The following MCPH1 variants were observed in gnomAD, a reference collection of about 807,000 sequenced individuals.
The protein encoded by MCPH1 is microcephalin 1, also known as microcephalin.
MCPH1 carries 104 observed loss-of-function variants against 84.5 expected under a neutral mutation model. The observed-to-expected ratio is 1.23, with a 90% CI of 1.05 to 1.45. The LOEUF is 1.45. Ranked by LOEUF, MCPH1 falls within the 40% of genes most tolerant of loss-of-function variation. MCPH1 has a pLI of 0.00. For synonymous variants in MCPH1, 514 were observed against 366.8 expected, an observed-to-expected ratio of 1.40 and a Z score of -4.58; for missense variants, 1,498 against 1,005.7, an observed-to-expected ratio of 1.49 and a Z score of -6.62.
intron 11 of MCPH1, among the ~76,000 whole-genome samples, chr8:6,487,853 C>T (rs1810119134): frequency 1.3e-5 from 2 of 152,206 alleles, no homozygotes; most frequent in Non-Finnish European, 2.9e-5. Context: ...AACATTTTTG[C>T]AGCCGAGAAG....
chr8:6,548,145 G>A (rs576684963), intron 12 of MCPH1, among the ~76,000 whole-genome samples: 98 of 152,236 alleles, frequency 6.4e-4, no homozygotes, highest in African/African-American at 2.1e-3. Context: ...TGAGTAGTTG[G>A]TTCCACTGGA....
chr8:6,583,608 C>T (rs1827737062), intron 12 of MCPH1, among the ~76,000 whole-genome samples: 1 of 152,150 alleles, frequency 6.6e-6, no homozygotes, highest in Admixed American at 6.5e-5. Context: ...TGGAAAAGGA[C>T]CCCTGAGTGC....
intron 10 of MCPH1, 101 bp downstream of exon 10, chr8:6,477,732 T>C: frequency 1.1e-6 from 1 of 881,124 alleles, no homozygotes; most frequent in Non-Finnish European, 1.9e-6. Flanking sequence ...ATCTGTCCTG[T>C]ATCACTTTTA....
chr8:6,450,967 C>G (rs1255482890), intron 8 of MCPH1, among the ~76,000 whole-genome samples: 3 of 152,154 alleles, frequency 2.0e-5, no homozygotes, highest in South Asian at 2.1e-4. Flanking sequence ...CTCTGCCTCC[C>G]AAAGTGCTGG....
chr8:6,446,563 CTG>C (rs1337551565), intron 8 of MCPH1: 3 of 982,512 alleles, frequency 3.1e-6, no homozygotes, highest in Non-Finnish European at 3.6e-6. Context: ...TGACAAGAAA[CTG>C]TATTTTATGT....
chr8:6,543,562 C>T (rs748329618), intron 12 of MCPH1, among the ~76,000 whole-genome samples: 9 of 152,136 alleles, frequency 5.9e-5, no homozygotes, highest in Admixed American at 1.3e-4. Context: ...AAAGCGCTGT[C>T]GTATAAGGCC....
intron 1 of MCPH1, among the ~76,000 whole-genome samples, chr8:6,408,062 A>G (rs1184120660): frequency 6.6e-6 from 1 of 152,240 alleles, no homozygotes; most frequent in African/African-American, 2.4e-5. Context: ...AATATTTACC[A>G]TCTGTCTCTT....
chr8:6,592,623 G>GTTTTTTTTTTTTTTTTTTTTTTTTTTTTT (rs573651366), intron 12 of MCPH1, among the ~76,000 whole-genome samples: 3 of 77,556 alleles, frequency 3.9e-5, no homozygotes, highest in African/African-American at 5.4e-5. Flanking sequence ...TCTTTTTTTT[G>GTTTTTTTTTTTTTTTTTTTTTTTTTTTTT]TTTTTTTTTT....
chr8:6,419,920 A>T (rs959556538), intron 3 of MCPH1, among the ~76,000 whole-genome samples: 1 of 151,950 alleles, frequency 6.6e-6, no homozygotes, highest in Admixed American at 6.6e-5. Flanking sequence ...TTGTTTTTTT[A>T]AAATAGATTT....
intron 12 of MCPH1, among the ~76,000 whole-genome samples, chr8:6,575,637 A>G (rs1044595911): frequency 1.3e-5 from 2 of 152,208 alleles, no homozygotes; most frequent in African/African-American, 4.8e-5. Flanking sequence ...TTGAAGTCCT[A>G]AATGCCCTCA....
intron 8 of MCPH1, among the ~76,000 whole-genome samples, chr8:6,450,572 A>G (rs980159354): frequency 4.0e-5 from 6 of 150,878 alleles, no homozygotes; most frequent in African/African-American, 1.5e-4. Context: ...TATTTAAGCC[A>G]ATTCAGTGTT....
chr8:6,645,156 C>T lies in MCPH1; in HGVS notation c.*2107C>T, dbSNP rs1268976549. 6.6e-6 allele frequency: 1 copy of T among 152,442 alleles called. No homozygotes were observed. Among genetic ancestry groups the T allele is most frequent in the Non-Finnish European group, 1.5e-5 (1 of 68,152 alleles). The allele number at this position is 152,442 out of a possible 1,614,324, so 9.4% of individuals were successfully genotyped here. A position where few individuals can be genotyped will look rare whatever the true frequency, so the allele number is the denominator to read the frequency against. Reference sequence around the variant, plus strand: ...CACAGAGAACTTCCATCCCCCACCACATCAGCCACGGAGCCAGCCCAGCCT... The same window carrying T: ...CACAGAGAACTTCCATCCCCCACCATATCAGCCACGGAGCCAGCCCAGCCT... On this transcript the variant is annotated 3_prime_UTR_variant, in exon 14 of 14. Coordinates refer to ENST00000344683, the MANE Select transcript of MCPH1 (RefSeq NM_024596.5).
intron 13 of MCPH1, 150 bp from the exon 14 acceptor site, chr8:6,642,844 G>C (rs568951137): frequency 3.0e-5 from 22 of 722,302 alleles, no homozygotes; most frequent in Admixed American, 6.1e-5. Context: ...AAAAAGGTAT[G>C]TGTGCTCTAT....
chr8:6,469,219 T>A (rs1156867801), intron 9 of MCPH1, among the ~76,000 whole-genome samples: 1 of 152,044 alleles, frequency 6.6e-6, no homozygotes, highest in Non-Finnish European at 1.5e-5. Context: ...TAGTCTCAAT[T>A]TTCTACACTG....
intron 13 of MCPH1, among the ~76,000 whole-genome samples, chr8:6,642,407 T>C (rs1797993603): frequency 6.6e-6 from 1 of 152,196 alleles, no homozygotes; most frequent in African/African-American, 2.4e-5. Context: ...CAGGCGCAAC[T>C]TGTGATTTTC....
intron 12 of MCPH1, among the ~76,000 whole-genome samples, chr8:6,576,436 A>G (rs1456885932): frequency 6.6e-6 from 1 of 152,100 alleles, no homozygotes; most frequent in East Asian, 1.9e-4. Flanking sequence ...TCGTTGAAGT[A>G]TGAGGCCAGG....
At chr8:6,505,739 AT>A (rs1563308254) in intron 12 of MCPH1, among the ~76,000 whole-genome samples, 2 of 134,398 alleles carry the variant, frequency 1.5e-5, no homozygotes, top group African/African-American at 2.7e-5. Context: ...TTCTATATAT[AT>A]TCTTTATATA....
chr8:6,595,193 A>C (rs528091259), intron 12 of MCPH1, among the ~76,000 whole-genome samples: 1 of 152,324 alleles, frequency 6.6e-6, no homozygotes. Flanking sequence ...CACTGCCTGC[A>C]TACTTGGGAT....
chr8:6,499,750 C>T lies in MCPH1; in HGVS notation c.2137-102C>T, dbSNP rs115520116. On this transcript the variant is annotated intron_variant, in intron 11 of 13. Coordinates refer to ENST00000344683, the MANE Select transcript of MCPH1 (RefSeq NM_024596.5). ...TGAGAACACATCTATTTCAGATCTG[C>T]GGAGTGTATCACTTTTTGCTGTGTC... 2.5e-3 allele frequency: 2,294 copies of T among 926,856 alleles called. 29 individuals carry two copies. The African/African-American group carries it at 0.032, about 13-fold the overall frequency. 57.4% of individuals were successfully genotyped at this position (926,856 alleles called of 1,614,324 possible). A position where few individuals can be genotyped will look rare whatever the true frequency, so the allele number is the denominator to read the frequency against.
Sources: allele counts gnomAD v4.1 joint callset (sites outside exome capture counted in the v4.1 genomes callset), GRCh38; gene constraint gnomAD v4.1.1; transcripts MANE v1.5; gene names NCBI Gene and HGNC (gene_info 2026-07-23, HGNC 2026-07-21).